SLC25A28: variants seen among roughly 807,000 people sequenced by gnomAD.
SLC25A28 encodes solute carrier family 25 member 28.
SLC25A28 carries 10 observed loss-of-function variants against 31.9 expected under a neutral mutation model. The observed-to-expected ratio is 0.31, with a 90% confidence interval of 0.19 to 0.53. The LOEUF is 0.53. Ranked by LOEUF, SLC25A28 falls within the 20% of genes least tolerant of loss-of-function variation. SLC25A28 has a pLI of 0.95. For missense variants in SLC25A28, 256 were observed against 490.3 expected (o/e 0.52, Z 4.51); for synonymous variants, 208 against 203.6 (o/e 1.02, Z -0.19).
At chr10:99,657,949 G>C in the SLC25A28 span, among the ~76,000 whole-genome samples, 23 of 152,202 alleles carry the variant, frequency 1.5e-4, no homozygotes, top group Middle Eastern at 3.4e-3. Context: ...ACTTTGGGAG[G>C]CTGAGACAGG....
chr10:99,648,149 C>T, the SLC25A28 span, among the ~76,000 whole-genome samples: 1 of 132,490 alleles, frequency 7.5e-6, no homozygotes, highest in Non-Finnish European at 1.6e-5. Context: ...CAGGTGTGCA[C>T]CACCATGCCC....
At chr10:99,644,266 T>C in the SLC25A28 span, among the ~76,000 whole-genome samples, 3 of 152,306 alleles carry the variant, frequency 2.0e-5, no homozygotes, top group Admixed American at 2.0e-4. Context: ...TGGGTGCATA[T>C]ATATTTAGGA....
Position 99,620,199 on chromosome 10 carries a change from G to T in SLC25A28, c.137C>A (p.Ala46Asp), listed in dbSNP as rs1389941775. The T allele has an allele frequency of 7.0e-7, 1 of 1,434,812 alleles. No individual in the cohort carries two copies. Among genetic ancestry groups the T allele is most frequent in the Admixed American group, 2.6e-5 (1 of 38,060 alleles). The allele number at this position is 1,434,812 out of a possible 1,614,324, so 88.9% of individuals were successfully genotyped here. A position where few individuals can be genotyped will look rare whatever the true frequency, so the allele number is the denominator to read the frequency against. The change falls in exon 1 of 4, where the codon GCC (alanine) becomes GAC (aspartate). Residue 46 changes from alanine to aspartate, a missense_variant. Ala to Asp is a moderately radical substitution (Grantham distance 126). Around this residue, in one of 4 missense-constraint regions of SLC25A28, gnomAD observed 10 missense variants for 28.2 expected, o/e 0.35. Transcript: ENST00000370495. Reference sequence around the variant, plus strand: ...TCGTACCGGGGGCCTGCAGGCCCCGGCCTCCCCGCCGCCGGCCCCCCGGCC... The same window carrying T: ...TCGTACCGGGGGCCTGCAGGCCCCGTCCTCCCCGCCGCCGGCCCCCCGGCC... ...GVGRGAGGGE[A>D]GACRPPVRQD...
the SLC25A28 span, among the ~76,000 whole-genome samples, chr10:99,634,580 A>G: frequency 3.3e-5 from 5 of 152,180 alleles, no homozygotes; most frequent in Admixed American, 6.5e-5. Context: ...AATTAACCCA[A>G]TCAAACAAAG....
upstream of SLC25A28, chr10:99,621,121 G>T: frequency 2.5e-6 from 1 of 405,936 alleles, no homozygotes; most frequent in Non-Finnish European, 3.3e-6. Flanking sequence ...GTTGCGACAT[G>T]CGGGCTGGGA....
At position 99,612,693 on chromosome 10, in the gene SLC25A28, A is replaced by G. The variant is rs774698365; in HGVS notation, c.521-94T>C. 1.6e-5 allele frequency: 22 copies of G among 1,413,774 alleles called. No individual in the cohort carries two copies. In the South Asian group the frequency reaches 2.4e-4, roughly 16 times the overall value. 87.6% of individuals were successfully genotyped at this position (1,413,774 alleles called of 1,614,324 possible). On this transcript the variant is annotated intron_variant, in intron 2 of 3. Coordinates refer to ENST00000370495, the MANE Select transcript of SLC25A28 (RefSeq NM_031212.4). ...TGAAGGGGAGTGGCTGTGCTACACT[A>G]CAGCGGGGAAAAGTAACGTTAAGAG...
At chr10:99,655,934 G>C in the SLC25A28 span, among the ~76,000 whole-genome samples, 1 of 152,124 alleles carries the variant, frequency 6.6e-6, no homozygotes, top group African/African-American at 2.4e-5. Flanking sequence ...GGCTATCAGC[G>C]GGATCTCCCA....
chr10:99,637,732 C>A, the SLC25A28 span, among the ~76,000 whole-genome samples: 32 of 151,996 alleles, frequency 2.1e-4, no homozygotes, highest in Non-Finnish European at 3.5e-4. Context: ...TAGGAATACA[C>A]CTAACTAAGG....
At chr10:99,624,946 A>G (rs1011621043), upstream of SLC25A28, among the ~76,000 whole-genome samples, 11 of 152,120 alleles carry the variant, frequency 7.2e-5, no homozygotes, top group Non-Finnish European at 1.5e-4. Flanking sequence ...CTTGTATTCC[A>G]GTGTCTGGAA....
At chr10:99,655,151 G>C in the SLC25A28 span, among the ~76,000 whole-genome samples, 112 of 152,170 alleles carry the variant, frequency 7.4e-4, no homozygotes, top group Non-Finnish European at 1.2e-3. Flanking sequence ...AAAATGTTGG[G>C]ATTAAAATGT....
chr10:99,642,505 A>G, the SLC25A28 span, among the ~76,000 whole-genome samples: 4 of 152,174 alleles, frequency 2.6e-5, no homozygotes, highest in Non-Finnish European at 4.4e-5. Flanking sequence ...CAATCATGTC[A>G]TCCGCAAACA....
chr10:99,631,878 A>ATTTTTTTT, the SLC25A28 span, among the ~76,000 whole-genome samples: 1,327 of 92,848 alleles, frequency 0.014, 261 homozygotes, highest in Non-Finnish European at 0.017. Context: ...TCAGTATGTT[A>ATTTTTTTT]TTTTTTTTTT....
chr10:99,631,889 TTA>T, the SLC25A28 span, among the ~76,000 whole-genome samples: 15 of 103,136 alleles, frequency 1.5e-4, 4 homozygotes, highest in South Asian at 7.6e-4. Flanking sequence ...TTTTTTTTTT[TTA>T]TTTTTTTTTT....
At chr10:99,648,510 G>A in the SLC25A28 span, among the ~76,000 whole-genome samples, 4 of 152,020 alleles carry the variant, frequency 2.6e-5, no homozygotes, top group African/African-American at 9.7e-5. Flanking sequence ...ATTCGATAGG[G>A]ATTGCATTGA....
chr10:99,623,515 C>T (rs1269813582), upstream of SLC25A28, among the ~76,000 whole-genome samples: 1 of 152,192 alleles, frequency 6.6e-6, no homozygotes, highest in African/African-American at 2.4e-5. Context: ...CCTTTTCCTT[C>T]GTATTGATAT....
At chr10:99,618,584 T>A in intron 1 of SLC25A28, 1 of 985,420 alleles carries the variant, frequency 1.0e-6, no homozygotes, top group Non-Finnish European at 1.2e-6. Context: ...TCAATGTTGT[T>A]ACTTCTCTCT....
At chr10:99,625,904 A>T in the SLC25A28 span, among the ~76,000 whole-genome samples, 7 of 152,242 alleles carry the variant, frequency 4.6e-5, no homozygotes, top group African/African-American at 1.7e-4. Flanking sequence ...TGTGTCCTTA[A>T]CACCATGAGG....
chr10:99,625,009 G>A (rs375327245), upstream of SLC25A28, among the ~76,000 whole-genome samples: 133 of 151,694 alleles, frequency 8.8e-4, no homozygotes, highest in Admixed American at 3.5e-3. Flanking sequence ...ATGAAGCCGC[G>A]GACACTCGCG....
At chr10:99,650,152 T>TA in the SLC25A28 span, among the ~76,000 whole-genome samples, 1 of 152,318 alleles carries the variant, frequency 6.6e-6, no homozygotes, top group African/African-American at 2.4e-5. Context: ...TCATTCATTT[T>TA]AAAATTTTTT....
Sources: allele counts gnomAD v4.1 joint callset (sites outside exome capture counted in the v4.1 genomes callset), GRCh38; gene constraint gnomAD v4.1.1; regional missense constraint gnomAD v4.1.1; transcripts MANE v1.5; gene names NCBI Gene and HGNC (gene_info 2026-07-23, HGNC 2026-07-21).